Variants in R3HDM1 observed in about 807,000 individuals in gnomAD.
The protein encoded by R3HDM1 is R3H domain containing 1.
In R3HDM1, 46 loss-of-function variants were observed where a neutral mutation model predicts 141.1. The observed-to-expected ratio is 0.33, with a 90% confidence interval of 0.26 to 0.42. R3HDM1 has a LOEUF of 0.42. Among genes scored for constraint, R3HDM1 ranks in the 10% least tolerant of loss-of-function variants. R3HDM1 has a pLI of 1.00. For synonymous variants in R3HDM1, 435 were observed against 472.9 expected (o/e 0.92, Z 1.04); for missense variants, 1,184 against 1,368.3 (o/e 0.87, Z 2.12).
intron 7 of R3HDM1, among the ~76,000 whole-genome samples, chr2:135,629,859 T>C (rs969444518): frequency 6.6e-6 from 1 of 152,004 alleles, no homozygotes; most frequent in Non-Finnish European, 1.5e-5. Flanking sequence ...TCTTAAAAGA[T>C]TGTTATGCAT....
intron 1 of R3HDM1, among the ~76,000 whole-genome samples, chr2:135,565,185 C>T (rs562306851): frequency 6.6e-6 from 1 of 152,040 alleles, no homozygotes; most frequent in Non-Finnish European, 1.5e-5. Flanking sequence ...AAGATATATT[C>T]AGTATAAGGC....
At chr2:135,635,061 G>A (rs1329543983) in intron 9 of R3HDM1, among the ~76,000 whole-genome samples, 1 of 152,134 alleles carries the variant, frequency 6.6e-6, no homozygotes, top group African/African-American at 2.4e-5. Flanking sequence ...GTATTGCTAA[G>A]ATTTCATAAT....
At chr2:135,617,398 G>T (rs1039704136) in intron 5 of R3HDM1, among the ~76,000 whole-genome samples, 1 of 151,918 alleles carries the variant, frequency 6.6e-6, no homozygotes, top group Non-Finnish European at 1.5e-5. Context: ...TGCCCTTTTA[G>T]TTTTACCTTT....
intron 23 of R3HDM1, among the ~76,000 whole-genome samples, chr2:135,713,363 A>C (rs2075863861): frequency 6.6e-6 from 1 of 152,248 alleles, no homozygotes; most frequent in African/African-American, 2.4e-5. Flanking sequence ...GCAAAGATCA[A>C]GTTATAAGCT....
In R3HDM1 at chr2:135,541,759, C is replaced by G. The variant is rs1349917648; in HGVS notation, c.-250+10126C>G. 2.0e-5 allele frequency among the ~76,000 whole-genome samples: 3 copies of G among 149,004 alleles called. No homozygotes were observed. In the Admixed American group the frequency reaches 2.0e-4, roughly 10 times the overall value. ...TTGAAATATTGCAAGAATTACCAAA[C>G]TATTACACAGAGACATGAAGTGAGC... On this transcript the variant is annotated intron_variant, in intron 1 of 26. Coordinates refer to ENST00000683871, the MANE Select transcript of R3HDM1 (RefSeq NM_001378107.1).
chr2:135,667,173 T>C, intron 19 of R3HDM1: 2 of 979,186 alleles, frequency 2.0e-6, no homozygotes, highest in Non-Finnish European at 2.4e-6. Flanking sequence ...AATACTTTTG[T>C]GCTGAGCACT....
intron 23 of R3HDM1, among the ~76,000 whole-genome samples, chr2:135,712,428 A>ATTTTT (rs34713048): frequency 1.9e-5 from 2 of 104,008 alleles, no homozygotes; most frequent in African/African-American, 3.7e-5. Flanking sequence ...TGCCCAACTA[A>ATTTTT]TTTTTTTTTT....
At chr2:135,579,878 G>A (rs188777579) in intron 1 of R3HDM1, among the ~76,000 whole-genome samples, 362 of 152,224 alleles carry the variant, frequency 2.4e-3, no homozygotes, top group Non-Finnish European at 3.9e-3. Flanking sequence ...ATTATAAGGG[G>A]AAGTTGGATG....
rs191676215 is a variant in R3HDM1, at chr2:135,546,553, T to A, written c.-250+14920T>A. Among the ~76,000 whole-genome samples the A allele has an allele frequency of 3.2e-4, 48 of 152,340 alleles. 1 individual carries two copies. The highest frequency in any genetic ancestry group is 1.1e-3 in the African/African-American group (44 of 41,586). On this transcript the variant is annotated intron_variant, in intron 1 of 26. Transcript: ENST00000683871. ...GGCTGTTTGGCACCCTTCTTAGGCT[T>A]ATCAGGTTGTATTACATATTGTTGC...
intron 21 of R3HDM1, among the ~76,000 whole-genome samples, chr2:135,683,958 A>G (rs1030830840): frequency 6.9e-6 from 1 of 145,682 alleles, no homozygotes; most frequent in Non-Finnish European, 1.5e-5. Context: ...TCATAAATAC[A>G]TACATACATA....
At chr2:135,627,176 G>A (rs1045914271) in intron 7 of R3HDM1, among the ~76,000 whole-genome samples, 1 of 152,146 alleles carries the variant, frequency 6.6e-6, no homozygotes, top group African/African-American at 2.4e-5. Flanking sequence ...GAAGCATACA[G>A]CTAATTGCCA....
chr2:135,659,295 C>T (rs2066374444), intron 18 of R3HDM1, among the ~76,000 whole-genome samples: 2 of 152,034 alleles, frequency 1.3e-5, no homozygotes, highest in Admixed American at 6.6e-5. Flanking sequence ...TAGGGTTTCA[C>T]CATGTCGCCC....
At chr2:135,593,232 TTTAA>T (rs1471323694) in intron 1 of R3HDM1, among the ~76,000 whole-genome samples, 3 of 152,112 alleles carry the variant, frequency 2.0e-5, no homozygotes, top group South Asian at 2.1e-4. Context: ...GTGTGTAGTC[TTTAA>T]AAGAGATTTT....
At chr2:135,694,886 C>A (rs556920937) in intron 21 of R3HDM1, among the ~76,000 whole-genome samples, 2 of 152,262 alleles carry the variant, frequency 1.3e-5, no homozygotes, top group East Asian at 3.9e-4. Flanking sequence ...CAAACAATCC[C>A]TGGAACTCAC....
At chr2:135,698,985 A>AGAT (rs2073719828) in intron 21 of R3HDM1, among the ~76,000 whole-genome samples, 1 of 45,662 alleles carries the variant, frequency 2.2e-5, no homozygotes, top group East Asian at 7.9e-4. Flanking sequence ...ACACTCAGAT[A>AGAT]GATAGATAGA....
intron 21 of R3HDM1, among the ~76,000 whole-genome samples, chr2:135,687,269 G>T (rs958087574): frequency 9.2e-5 from 14 of 152,168 alleles, no homozygotes; most frequent in Admixed American, 8.5e-4. Flanking sequence ...GCTGCAGGGA[G>T]GGGGAAGTGG....
intron 20 of R3HDM1, among the ~76,000 whole-genome samples, chr2:135,675,927 C>T (rs7573900): frequency 1.3e-5 from 2 of 152,100 alleles, no homozygotes; most frequent in Admixed American, 6.6e-5. Context: ...ACCATGAATC[C>T]GTAGTTGTAG....
intron 18 of R3HDM1, among the ~76,000 whole-genome samples, chr2:135,653,116 G>A (rs777106485): frequency 1.3e-5 from 2 of 150,672 alleles, no homozygotes; most frequent in African/African-American, 2.4e-5. Flanking sequence ...AGCCCTTTGG[G>A]AGGCTGAGGC....
intron 1 of R3HDM1, among the ~76,000 whole-genome samples, chr2:135,551,414 T>C (rs1297743914): frequency 6.6e-6 from 1 of 152,228 alleles, no homozygotes; most frequent in Non-Finnish European, 1.5e-5. Flanking sequence ...AAATTGTCCA[T>C]GTACCTAGTA....
Sources: gnomAD v4.1 joint callset for allele counts (sites outside exome capture counted in the v4.1 genomes callset) on GRCh38, gnomAD v4.1.1 for gene constraint, MANE v1.5 for transcripts, NCBI Gene and HGNC (gene_info 2026-07-23, HGNC 2026-07-21) for gene names.